Variants in HMGCLL1 observed in about 807,000 individuals in gnomAD.
HMGCLL1 encodes 3-hydroxymethyl-3-methylglutaryl-CoA lyase, cytoplasmic.
Under a neutral mutation model 39.1 loss-of-function variants are expected in HMGCLL1, and 36 were observed. That is an observed-to-expected ratio of 0.92 (90% CI 0.71 to 1.22). The LOEUF is 1.22. Ranked by LOEUF, HMGCLL1 falls within the 50% of genes most tolerant of loss-of-function variation. HMGCLL1 has a pLI of 0.00. For synonymous variants in HMGCLL1, 149 were observed against 144.0 expected (o/e 1.03, Z -0.25); for missense variants, 451 against 416.5 (o/e 1.08, Z -0.72).
intron 5 of HMGCLL1, among the ~76,000 whole-genome samples, chr6:55,507,882 C>T (rs1767250646): frequency 6.6e-6 from 1 of 151,834 alleles, no homozygotes; most frequent in Non-Finnish European, 1.5e-5. Flanking sequence ...AGAAACCAAA[C>T]TAATCTTGCC....
chr6:55,627,563 G>A, the HMGCLL1 span, among the ~76,000 whole-genome samples: 8 of 151,762 alleles, frequency 5.3e-5, no homozygotes, highest in African/African-American at 1.2e-4. Flanking sequence ...TTAATCCTGG[G>A]TGTGTCTGCG....
In HMGCLL1 at chr6:55,486,850, C is replaced by A. The variant is rs116633396; in HGVS notation, c.795+8569G>T. ...GCAGTTCTAGAAGCTGGGAAGTCCA[C>A]GATAAAAGTGCTGGCAGACTCAGTA... On this transcript the variant is annotated intron_variant, in intron 7 of 8. Transcript: ENST00000274901. 4.0e-3 allele frequency among the ~76,000 whole-genome samples: 605 copies of A among 152,152 alleles called. 7 individuals are homozygous for A. Among genetic ancestry groups the A allele is most frequent in the African/African-American group, 0.014 (568 of 41,534 alleles).
At chr6:55,620,512 C>A in the HMGCLL1 span, among the ~76,000 whole-genome samples, 2 of 151,946 alleles carry the variant, frequency 1.3e-5, no homozygotes, top group Non-Finnish European at 2.9e-5. Flanking sequence ...CCTATTTGAG[C>A]CTTTTGTACA....
At chr6:55,597,165 C>T in the HMGCLL1 span, among the ~76,000 whole-genome samples, 1 of 151,930 alleles carries the variant, frequency 6.6e-6, no homozygotes, top group Non-Finnish European at 1.5e-5. Context: ...TAGAACTTAA[C>T]GTATGGAAGT....
At chr6:55,667,796 A>T in the HMGCLL1 span, among the ~76,000 whole-genome samples, 1 of 151,910 alleles carries the variant, frequency 6.6e-6, no homozygotes, top group South Asian at 2.1e-4. Flanking sequence ...CTTTCTAGGA[A>T]TATGAACAGA....
At chr6:55,515,947 T>C (rs756142252) in intron 4 of HMGCLL1, among the ~76,000 whole-genome samples, 2 of 152,008 alleles carry the variant, frequency 1.3e-5, no homozygotes, top group Non-Finnish European at 2.9e-5. Flanking sequence ...ACCTTAAAAT[T>C]GAAGAGGATA....
At chr6:55,459,191 C>T (rs565623987) in intron 7 of HMGCLL1, among the ~76,000 whole-genome samples, 2 of 152,066 alleles carry the variant, frequency 1.3e-5, no homozygotes, top group African/African-American at 4.8e-5. Context: ...ATTATTCACT[C>T]ACAAAAGGCT....
At chr6:55,477,239 A>T (rs1168434746) in intron 7 of HMGCLL1, among the ~76,000 whole-genome samples, 1 of 18,844 alleles carries the variant, frequency 5.3e-5, no homozygotes, top group Non-Finnish European at 7.2e-5. Context: ...TATATATTAT[A>T]TTTATATAAT....
At chr6:55,556,672 GA>G (rs1770691376) in intron 1 of HMGCLL1, among the ~76,000 whole-genome samples, 1 of 152,084 alleles carries the variant, frequency 6.6e-6, no homozygotes, top group Non-Finnish European at 1.5e-5. Flanking sequence ...ATTTTATAGA[GA>G]ATAGACTGAA....
chr6:55,484,827 G>T (rs1765930948), intron 7 of HMGCLL1, among the ~76,000 whole-genome samples: 1 of 151,720 alleles, frequency 6.6e-6, no homozygotes, highest in African/African-American at 2.4e-5. Context: ...ATTCTTATTT[G>T]CCCCTCCTTA....
chr6:55,517,814 T>G (rs1252334154), intron 3 of HMGCLL1, among the ~76,000 whole-genome samples: 1 of 152,148 alleles, frequency 6.6e-6, no homozygotes, highest in African/African-American at 2.4e-5. Context: ...AGTTTTTAAA[T>G]ACATATAAAT....
chr6:55,439,153 T>G (rs1407698443), intron 8 of HMGCLL1, among the ~76,000 whole-genome samples: 1 of 152,024 alleles, frequency 6.6e-6, no homozygotes, highest in African/African-American at 2.4e-5. Context: ...ACTCACAAAG[T>G]GTATAAAATC....
At chr6:55,546,103 G>T (rs986692906) in intron 1 of HMGCLL1, among the ~76,000 whole-genome samples, 5 of 152,070 alleles carry the variant, frequency 3.3e-5, no homozygotes, top group African/African-American at 4.8e-5. Flanking sequence ...TCAAAGAAAG[G>T]CAATCAGTGC....
chr6:55,435,904 G>A, intron 8 of HMGCLL1, 141 bp from the exon 9 acceptor site: 1 of 464,412 alleles, frequency 2.2e-6, no homozygotes. Flanking sequence ...TATCAATTTT[G>A]GGGCAACATT....
chr6:55,617,829 T>C, the HMGCLL1 span, among the ~76,000 whole-genome samples: 5 of 152,026 alleles, frequency 3.3e-5, no homozygotes, highest in South Asian at 4.1e-4. Context: ...TATGTACAAG[T>C]AGGTCCACAG....
the HMGCLL1 span, among the ~76,000 whole-genome samples, chr6:55,653,423 T>TCAAGTGTATTTC: frequency 6.6e-6 from 1 of 152,112 alleles, no homozygotes; most frequent in African/African-American, 2.4e-5. Context: ...GTTTGGATTT[T>TCAAGTGTATTTC]CAAGAGGCAG....
At chr6:55,650,134 T>TATA in the HMGCLL1 span, among the ~76,000 whole-genome samples, 1 of 53,350 alleles carries the variant, frequency 1.9e-5, no homozygotes, top group Non-Finnish European at 3.6e-5. Flanking sequence ...TATATATATA[T>TATA]ACACACACAC....
chr6:55,536,936 GA>G (rs1286617772), intron 3 of HMGCLL1, among the ~76,000 whole-genome samples: 1 of 151,906 alleles, frequency 6.6e-6, no homozygotes, highest in Admixed American at 6.6e-5. Context: ...TACATTTGAG[GA>G]AAAAAATATA....
chr6:55,450,334 G>A (rs536279359), intron 7 of HMGCLL1, among the ~76,000 whole-genome samples: 1 of 152,326 alleles, frequency 6.6e-6, no homozygotes, highest in East Asian at 1.9e-4. Context: ...CAAACGAAGA[G>A]CATACAGCCT....
Sources: allele counts gnomAD v4.1 joint callset (sites outside exome capture counted in the v4.1 genomes callset), GRCh38; gene constraint gnomAD v4.1.1; transcripts MANE v1.5; gene names NCBI Gene and HGNC (gene_info 2026-07-23, HGNC 2026-07-21).